EPHA6: variants seen among roughly 807,000 people sequenced by gnomAD.
EPHA6 encodes ephrin type-A receptor 6.
EPHA6 carries 50 observed loss-of-function variants against 112.0 expected under a neutral mutation model. The ratio of observed to expected loss-of-function variants is 0.45; its 90% CI spans 0.36 to 0.56. The LOEUF is 0.56. EPHA6 is among the 20% of genes least tolerant of loss of function. The pLI, the probability that EPHA6 is intolerant of heterozygous loss-of-function variation, is 0.00. For missense variants in EPHA6, 1,280 were observed against 1,417.4 expected, an observed-to-expected ratio of 0.90 and a Z score of 1.56; for synonymous variants, 529 against 490.7, an observed-to-expected ratio of 1.08 and a Z score of -1.03.
intron 5 of EPHA6, among the ~76,000 whole-genome samples, chr3:97,267,482 T>C (rs1428310415): frequency 6.6e-6 from 1 of 152,156 alleles, no homozygotes; most frequent in Non-Finnish European, 1.5e-5. Context: ...ACATCTTTCC[T>C]GAGGGTGCAG....
intron 11 of EPHA6, among the ~76,000 whole-genome samples, chr3:97,542,131 G>A (rs1035757596): frequency 2.0e-5 from 3 of 149,522 alleles, no homozygotes; most frequent in Non-Finnish European, 4.4e-5. Context: ...TAGGGTACAT[G>A]TGCACAATGT....
intron 5 of EPHA6, among the ~76,000 whole-genome samples, chr3:97,350,580 C>G (rs1311211856): frequency 6.6e-6 from 1 of 151,182 alleles, no homozygotes; most frequent in Non-Finnish European, 1.5e-5. Context: ...TAAAGGATGC[C>G]CTAGGGAAAA....
Position 97,462,130 on chromosome 3 carries a change from C to CA in EPHA6, c.1895-13221dup, listed in dbSNP as rs1320357748. Among the ~76,000 whole-genome samples, 11 of 152,194 alleles carry CA rather than the reference C, an allele frequency of 7.2e-5. No individual in the cohort carries two copies. In the East Asian group the frequency reaches 2.1e-3, roughly 29 times the overall value. Reference sequence around the variant, plus strand: ...GTTCTGTCCTTTCTAACTATGTGACCATGTGCAAGTTAATTAGCCTTTTTG... The same window carrying CA: ...GTTCTGTCCTTTCTAACTATGTGACCAATGTGCAAGTTAATTAGCCTTTTTG... On this transcript the variant is annotated intron_variant, in intron 7 of 17. Transcript: ENST00000389672.
intron 15 of EPHA6, among the ~76,000 whole-genome samples, chr3:97,727,929 C>A (rs1355033419): frequency 1.3e-5 from 2 of 151,898 alleles, no homozygotes; most frequent in African/African-American, 4.8e-5. Flanking sequence ...TGCGGTACTA[C>A]CACAGTATAA....
intron 11 of EPHA6, among the ~76,000 whole-genome samples, chr3:97,538,296 T>G (rs1450056206): frequency 6.6e-6 from 1 of 152,166 alleles, no homozygotes; most frequent in Non-Finnish European, 1.5e-5. Flanking sequence ...AGTGACTTCT[T>G]GATTGTATAG....
At chr3:96,993,786 T>A (rs1161544420) in intron 3 of EPHA6, among the ~76,000 whole-genome samples, 1 of 152,160 alleles carries the variant, frequency 6.6e-6, no homozygotes, top group Non-Finnish European at 1.5e-5. Context: ...TGGATTCATC[T>A]GGAACTTTGC....
intron 6 of EPHA6, 27 bp from the exon 7 acceptor site, chr3:97,448,541 C>A (rs1471517611): frequency 1.9e-6 from 3 of 1,610,622 alleles, no homozygotes; most frequent in Admixed American, 3.3e-5. Flanking sequence ...TGTTTCATTT[C>A]CTTTCTCCTT....
At chr3:97,735,725 C>T (rs560044565) in intron 15 of EPHA6, among the ~76,000 whole-genome samples, 200 bp from the exon 16 acceptor site, 3 of 151,996 alleles carry the variant, frequency 2.0e-5, no homozygotes, top group East Asian at 3.9e-4. Context: ...ATTTTCCTCT[C>T]GTAGGGTGAG....
chr3:97,370,059 C>T (rs967701788), intron 5 of EPHA6, among the ~76,000 whole-genome samples: 1 of 152,086 alleles, frequency 6.6e-6, no homozygotes, highest in Admixed American at 6.6e-5. Context: ...CTACAATCTC[C>T]ACCCTCTCTT....
intron 10 of EPHA6, among the ~76,000 whole-genome samples, chr3:97,525,533 G>A (rs912015947): frequency 3.3e-5 from 5 of 152,106 alleles, no homozygotes; most frequent in Non-Finnish European, 5.9e-5. Flanking sequence ...TAGTTATTTT[G>A]ATGGTGTCAT....
chr3:96,820,087 C>T (rs2033132742), intron 1 of EPHA6, among the ~76,000 whole-genome samples: 1 of 151,900 alleles, frequency 6.6e-6, no homozygotes, highest in South Asian at 2.1e-4. Flanking sequence ...ACTGACTGAG[C>T]AAGGGTCTCG....
intron 4 of EPHA6, among the ~76,000 whole-genome samples, chr3:97,237,529 G>A (rs2108568488): frequency 6.6e-6 from 1 of 151,936 alleles, no homozygotes; most frequent in East Asian, 1.9e-4. Context: ...CTTTATTCCT[G>A]ACCTCTGCAG....
intron 3 of EPHA6, among the ~76,000 whole-genome samples, chr3:97,006,707 A>G (rs753632518): frequency 3.3e-5 from 5 of 151,972 alleles, no homozygotes; most frequent in Non-Finnish European, 5.9e-5. Context: ...TAGGGTGTTG[A>G]TTCAAGATCT....
intron 1 of EPHA6, among the ~76,000 whole-genome samples, chr3:96,855,808 A>G (rs1176482409): frequency 1.3e-5 from 2 of 152,150 alleles, no homozygotes; most frequent in African/African-American, 2.4e-5. Flanking sequence ...AAATATTAAG[A>G]TAATTTACAC....
intron 5 of EPHA6, among the ~76,000 whole-genome samples, chr3:97,285,619 T>C (rs2080437585): frequency 6.6e-6 from 1 of 152,068 alleles, no homozygotes; most frequent in East Asian, 1.9e-4. Flanking sequence ...TTTATCCATC[T>C]ATAGATAGAC....
intron 5 of EPHA6, among the ~76,000 whole-genome samples, chr3:97,357,390 CCGGGT>C (rs2084138535): frequency 1.3e-5 from 2 of 151,982 alleles, no homozygotes; most frequent in African/African-American, 2.4e-5. Flanking sequence ...TATAGTAGAA[CCGGGT>C]TTCACCATGT....
chr3:97,452,151 C>T (rs1232222767), intron 7 of EPHA6, among the ~76,000 whole-genome samples: 1 of 151,806 alleles, frequency 6.6e-6, no homozygotes, highest in Non-Finnish European at 1.5e-5. Context: ...ATTATGGCGA[C>T]CCTCTTGCAC....
At chr3:97,103,235 G>T (rs2047457377) in intron 3 of EPHA6, among the ~76,000 whole-genome samples, 1 of 152,018 alleles carries the variant, frequency 6.6e-6, no homozygotes, top group Non-Finnish European at 1.5e-5. Flanking sequence ...ATCCAGAATG[G>T]TATTTCCTAG....
chr3:97,323,196 A>G (rs62262761), intron 5 of EPHA6, among the ~76,000 whole-genome samples: 16,818 of 151,946 alleles, frequency 0.11, 1,172 homozygotes, highest in South Asian at 0.22. Context: ...GACATAATGA[A>G]CTGGTTTTTT....
Sources: allele counts gnomAD v4.1 joint callset (sites outside exome capture counted in the v4.1 genomes callset), GRCh38; gene constraint gnomAD v4.1.1; transcripts MANE v1.5; gene names NCBI Gene and HGNC (gene_info 2026-07-23, HGNC 2026-07-21).